The following GMDS variants were observed in gnomAD, a reference collection of about 807,000 sequenced individuals.
GMDS encodes the protein GDP-mannose 4,6-dehydratase.
Under a neutral mutation model 49.9 loss-of-function variants are expected in GMDS, and 20 were observed. The ratio of observed to expected loss-of-function variants is 0.40; its 90% CI spans 0.28 to 0.58. GMDS has a LOEUF of 0.58. Ranked by LOEUF, GMDS falls within the 20% of genes least tolerant of loss-of-function variation. The probability of loss-of-function intolerance (pLI) is 0.42; values close to 1 mark genes in which losing one functional copy is unlikely to be tolerated. For synonymous variants in GMDS, 177 were observed against 178.6 expected (o/e 0.99, Z 0.07); for missense variants, 362 against 481.4 (o/e 0.75, Z 2.32).
At chr6:1,929,016 G>A (rs550956149) in intron 7 of GMDS, among the ~76,000 whole-genome samples, 1 of 151,162 alleles carries the variant, frequency 6.6e-6, no homozygotes, top group African/African-American at 2.4e-5. Context: ...TCTAAATGTT[G>A]CACTATTCAA....
chr6:1,653,672 A>G (rs1449585245), intron 9 of GMDS, among the ~76,000 whole-genome samples: 2 of 152,226 alleles, frequency 1.3e-5, no homozygotes, highest in Non-Finnish European at 2.9e-5. Flanking sequence ...TTGATTTTCA[A>G]CAAGGGTACC....
chr6:1,715,838 T>C (rs1210773980), intron 9 of GMDS, among the ~76,000 whole-genome samples: 2 of 152,248 alleles, frequency 1.3e-5, no homozygotes, highest in Non-Finnish European at 2.9e-5. Context: ...GGGACTATAG[T>C]ACTTTCTAAT....
intron 1 of GMDS, among the ~76,000 whole-genome samples, chr6:2,177,487 T>G (rs1227045208): frequency 2.0e-5 from 3 of 152,194 alleles, no homozygotes; most frequent in Non-Finnish European, 4.4e-5. Flanking sequence ...TCAAAAAGTT[T>G]ATTCACCACG....
chr6:1,645,869 G>A (rs1234191981), intron 9 of GMDS, among the ~76,000 whole-genome samples: 1 of 152,136 alleles, frequency 6.6e-6, no homozygotes, highest in African/African-American at 2.4e-5. Context: ...TTTCTCTGAG[G>A]ACTTGTTAAC....
At chr6:2,080,614 T>C (rs1772632845) in intron 4 of GMDS, among the ~76,000 whole-genome samples, 1 of 152,162 alleles carries the variant, frequency 6.6e-6, no homozygotes, top group African/African-American at 2.4e-5. Flanking sequence ...CCTCAGTAGC[T>C]TATGGTGCAG....
At chr6:1,897,218 C>A (rs763616369) in intron 7 of GMDS, among the ~76,000 whole-genome samples, 6 of 152,244 alleles carry the variant, frequency 3.9e-5, no homozygotes, top group Admixed American at 3.3e-4. Flanking sequence ...TGTGTCCTCA[C>A]ATGGCCTTTC....
At chr6:1,634,840 C>T (rs115202580) in intron 9 of GMDS, among the ~76,000 whole-genome samples, 1,599 of 152,000 alleles carry the variant, frequency 0.011, 18 homozygotes, top group Middle Eastern at 0.048. Flanking sequence ...GACATAGCGA[C>T]GGAAAGGCGT....
At chr6:2,152,035 T>C (rs1430754675) in intron 1 of GMDS, among the ~76,000 whole-genome samples, 4 of 152,162 alleles carry the variant, frequency 2.6e-5, no homozygotes, top group African/African-American at 4.8e-5. Context: ...AAGTCCATCA[T>C]AGTTGAAGGC....
chr6:1,739,578 C>A (rs1341585747), intron 8 of GMDS, among the ~76,000 whole-genome samples: 1 of 152,272 alleles, frequency 6.6e-6, no homozygotes, highest in Admixed American at 6.5e-5. Context: ...CAGTCCCACG[C>A]TGGCCACAGC....
At chr6:2,227,870 G>T (rs1344465000) in intron 1 of GMDS, among the ~76,000 whole-genome samples, 2 of 152,212 alleles carry the variant, frequency 1.3e-5, no homozygotes, top group African/African-American at 4.8e-5. Flanking sequence ...TCTCCTACCT[G>T]CTTCCAACTT....
At chr6:1,873,562 T>C (rs1253740170) in intron 7 of GMDS, among the ~76,000 whole-genome samples, 2 of 152,200 alleles carry the variant, frequency 1.3e-5, no homozygotes, top group African/African-American at 2.4e-5. Flanking sequence ...GTAATTTTAT[T>C]ATTGTCCACA....
intron 6 of GMDS, among the ~76,000 whole-genome samples, chr6:1,945,534 C>T (rs117180462): frequency 3.3e-5 from 5 of 152,164 alleles, no homozygotes; most frequent in East Asian, 3.9e-4. Flanking sequence ...TGGTTATAGT[C>T]GGGTTGGCTT....
At chr6:1,975,674 A>G (rs1223150029) in intron 4 of GMDS, among the ~76,000 whole-genome samples, 1 of 152,258 alleles carries the variant, frequency 6.6e-6, no homozygotes, top group East Asian at 1.9e-4. Context: ...GGAAACTGCA[A>G]GATCTCTTGG....
At chr6:2,155,958 A>G (rs889335304) in intron 1 of GMDS, among the ~76,000 whole-genome samples, 15 of 152,184 alleles carry the variant, frequency 9.9e-5, no homozygotes, top group African/African-American at 3.6e-4. Context: ...AAAGAAATAA[A>G]CCCACAACAA....
intron 4 of GMDS, among the ~76,000 whole-genome samples, chr6:2,108,461 T>C (rs926626301): frequency 2.5e-4 from 38 of 152,284 alleles, no homozygotes; most frequent in African/African-American, 8.9e-4. Flanking sequence ...TTCTGTTGTC[T>C]GTATATATTA....
intron 9 of GMDS, among the ~76,000 whole-genome samples, chr6:1,657,588 T>C (rs1355290422): frequency 6.6e-6 from 1 of 152,184 alleles, no homozygotes; most frequent in Middle Eastern, 3.2e-3. Context: ...GACATAGGCA[T>C]TTATTAACTG....
At chr6:1,877,285 T>G (rs772226708) in intron 7 of GMDS, among the ~76,000 whole-genome samples, 1 of 152,102 alleles carries the variant, frequency 6.6e-6, no homozygotes, top group Non-Finnish European at 1.5e-5. Flanking sequence ...AAGTCTTCCA[T>G]TTTCCTCTTC....
intron 4 of GMDS, among the ~76,000 whole-genome samples, chr6:2,067,763 G>A (rs947235917): frequency 2.7e-5 from 4 of 150,114 alleles, no homozygotes; most frequent in Non-Finnish European, 1.5e-5. Flanking sequence ...CGAAATTGTG[G>A]CAATAATCAA....
At chr6:2,123,966 G>A (rs1452343674) in intron 2 of GMDS, among the ~76,000 whole-genome samples, 1 of 150,360 alleles carries the variant, frequency 6.7e-6, no homozygotes, top group African/African-American at 2.4e-5. Context: ...CCAACAATTA[G>A]AATAAACAGA....
Sources: gnomAD v4.1 joint callset for allele counts (sites outside exome capture counted in the v4.1 genomes callset) on GRCh38, gnomAD v4.1.1 for gene constraint, MANE v1.5 for transcripts, NCBI Gene and HGNC (gene_info 2026-07-23, HGNC 2026-07-21) for gene names.